Variants in FRMD4A observed in about 807,000 individuals in gnomAD.
FRMD4A encodes the protein FERM domain containing 4A.
FRMD4A carries 29 observed loss-of-function variants against 129.1 expected under a neutral mutation model. The observed-to-expected ratio is 0.22, with a 90% CI of 0.17 to 0.31. The LOEUF (loss-of-function observed/expected upper bound fraction) is 0.31, where lower values mean the gene tolerates loss of function less well. Ranked by LOEUF, FRMD4A falls within the 10% of genes least tolerant of loss-of-function variation. The probability of loss-of-function intolerance (pLI) is 1.00; values close to 1 mark genes in which losing one functional copy is unlikely to be tolerated. For synonymous variants in FRMD4A, 634 were observed against 571.6 expected (o/e 1.11, Z -1.56); for missense variants, 1,272 against 1,375.8 (o/e 0.92, Z 1.19).
chr10:13,852,430 G>A (rs1389499320), intron 3 of FRMD4A, among the ~76,000 whole-genome samples: 5 of 151,934 alleles, frequency 3.3e-5, no homozygotes, highest in South Asian at 2.1e-4. Context: ...TCAGCATGTT[G>A]GCCAGGATGG....
intron 2 of FRMD4A, among the ~76,000 whole-genome samples, chr10:14,149,228 CAT>C (rs1365229958): frequency 6.6e-6 from 1 of 152,172 alleles, no homozygotes; most frequent in African/African-American, 2.4e-5. Flanking sequence ...ATCAGGCAAC[CAT>C]ATGTCTCCTT....
intron 2 of FRMD4A, among the ~76,000 whole-genome samples, chr10:14,228,687 C>T (rs1369901882): frequency 6.6e-6 from 1 of 152,046 alleles, no homozygotes; most frequent in Non-Finnish European, 1.5e-5. Context: ...ACAGGAGATT[C>T]ACGCATCTGG....
At chr10:14,172,753 G>A (rs549178317) in intron 2 of FRMD4A, among the ~76,000 whole-genome samples, 50 of 152,270 alleles carry the variant, frequency 3.3e-4, no homozygotes, top group Middle Eastern at 3.4e-3. Flanking sequence ...GGATTGAAGT[G>A]TACTGCCTGT....
At chr10:13,921,520 C>T (rs758589214) in intron 2 of FRMD4A, among the ~76,000 whole-genome samples, 1 of 152,146 alleles carries the variant, frequency 6.6e-6, no homozygotes, top group Admixed American at 6.6e-5. Flanking sequence ...CTTGGCCTCC[C>T]GAAGTGTTGG....
intron 2 of FRMD4A, among the ~76,000 whole-genome samples, chr10:14,270,740 T>C (rs1642173792): frequency 6.6e-6 from 1 of 152,092 alleles, no homozygotes. Flanking sequence ...AACAGAACGA[T>C]TTTCCTGTGG....
intron 8 of FRMD4A, 142 bp from the exon 9 acceptor site, chr10:13,747,961 C>T (rs559314119): frequency 3.1e-6 from 2 of 638,914 alleles, no homozygotes. Flanking sequence ...AAGGGGCGCT[C>T]TCTTTTTATT....
At chr10:13,961,704 T>A (rs1246731308) in intron 2 of FRMD4A, among the ~76,000 whole-genome samples, 1 of 152,206 alleles carries the variant, frequency 6.6e-6, no homozygotes, top group African/African-American at 2.4e-5. Context: ...CCCTCTTAGG[T>A]TACCAGGTGC....
At chr10:14,187,134 A>AGAAG (rs1306536801) in intron 2 of FRMD4A, among the ~76,000 whole-genome samples, 2 of 136,042 alleles carry the variant, frequency 1.5e-5, no homozygotes, top group East Asian at 5.1e-4. Flanking sequence ...AAAGAAGGAA[A>AGAAG]GAAGGAAGGA....
intron 15 of FRMD4A, among the ~76,000 whole-genome samples, chr10:13,686,625 T>C (rs1589373596): frequency 6.6e-6 from 1 of 152,210 alleles, no homozygotes; most frequent in East Asian, 1.9e-4. Context: ...AAGTTTTGTT[T>C]CATTTCTCGT....
At chr10:13,993,864 T>C (rs1045262827) in intron 2 of FRMD4A, among the ~76,000 whole-genome samples, 3 of 151,932 alleles carry the variant, frequency 2.0e-5, no homozygotes, top group Non-Finnish European at 4.4e-5. Context: ...AAAAAATATA[T>C]ATTCTGATTT....
intron 9 of FRMD4A, among the ~76,000 whole-genome samples, chr10:13,743,395 GA>G (rs1389568398): frequency 6.6e-6 from 1 of 152,078 alleles, no homozygotes; most frequent in African/African-American, 2.4e-5. Flanking sequence ...GGGGTTTTGT[GA>G]AGTCGACTCC....
At chr10:13,826,241 T>G (rs954689354) in intron 3 of FRMD4A, among the ~76,000 whole-genome samples, 1 of 152,324 alleles carries the variant, frequency 6.6e-6, no homozygotes, top group African/African-American at 2.4e-5. Flanking sequence ...AAAGACCTTC[T>G]CTGATCAGAA....
At chr10:14,045,371 T>C (rs967196398) in intron 2 of FRMD4A, among the ~76,000 whole-genome samples, 1 of 152,144 alleles carries the variant, frequency 6.6e-6, no homozygotes, top group African/African-American at 2.4e-5. Flanking sequence ...GATGCCACTG[T>C]CTTCATGAAG....
At chr10:13,944,716 T>C (rs1248480455) in intron 2 of FRMD4A, among the ~76,000 whole-genome samples, 6 of 152,238 alleles carry the variant, frequency 3.9e-5, no homozygotes, top group Non-Finnish European at 8.8e-5. Context: ...TATTTCTGCA[T>C]ACTAATGCTG....
At chr10:13,674,817 G>GTCAAATGACATCAAAAAGA (rs2083835181) in intron 16 of FRMD4A, 94 bp downstream of exon 16, 2 of 1,364,510 alleles carry the variant, frequency 1.5e-6, no homozygotes, top group African/African-American at 1.4e-5. Flanking sequence ...AATGACATCA[G>GTCAAATGACATCAAAAAGA]TCAAATGACA....
chr10:13,650,100 CGTCTGATACCA>C (rs2081429945), intron 24 of FRMD4A, among the ~76,000 whole-genome samples: 1 of 152,090 alleles, frequency 6.6e-6, no homozygotes, highest in African/African-American at 2.4e-5. Context: ...AAGCCAGGGC[CGTCTGATACCA>C]GACAGATGGC....
intron 12 of FRMD4A, chr10:13,707,650 T>C (rs2087602230): frequency 1.0e-6 from 1 of 987,674 alleles, no homozygotes; most frequent in Non-Finnish European, 1.2e-6. Context: ...TGCTCACTAA[T>C]GTGTAAGAGC....
At chr10:13,799,047 G>A (rs1180302287) in intron 4 of FRMD4A, among the ~76,000 whole-genome samples, 1 of 152,148 alleles carries the variant, frequency 6.6e-6, no homozygotes, top group East Asian at 1.9e-4. Flanking sequence ...TGGGATGGGG[G>A]GGTCCTCCTC....
chr10:13,997,417 AT>A (rs1368228301), intron 2 of FRMD4A, among the ~76,000 whole-genome samples: 2 of 152,026 alleles, frequency 1.3e-5, no homozygotes, highest in East Asian at 3.9e-4. Flanking sequence ...TCCCATCTGC[AT>A]TATTCATCAC....
Sources: gnomAD v4.1 joint callset for allele counts (sites outside exome capture counted in the v4.1 genomes callset) on GRCh38, gnomAD v4.1.1 for gene constraint, MANE v1.5 for transcripts, NCBI Gene and HGNC (gene_info 2026-07-23, HGNC 2026-07-21) for gene names.